Variants in COL4A5 observed in about 807,000 individuals in gnomAD.
COL4A5 encodes the protein collagen type IV alpha 5 chain.
A neutral mutation model predicts 130.2 loss-of-function variants in COL4A5; 26 were observed. The observed-to-expected ratio is 0.20, with a 90% CI of 0.15 to 0.28. COL4A5 has a LOEUF of 0.28. Ranked by LOEUF, COL4A5 falls within the 10% of genes least tolerant of loss-of-function variation. The pLI, the probability that COL4A5 is intolerant of heterozygous loss-of-function variation, is 1.00. For synonymous variants in COL4A5, 496 were observed against 439.6 expected (o/e 1.13, Z -1.60); for missense variants, 1,131 against 1,344.3 (o/e 0.84, Z 2.48).
At chrX:108,551,145 T>C (rs28852747) in intron 2 of COL4A5, among the ~76,000 whole-genome samples, 11,487 of 110,980 alleles carry the variant, frequency 0.1, 1,270 homozygotes, top group African/African-American at 0.33. Context: ...TTGACAAGTG[T>C]GACCTAATTA....
At chrX:108,452,621 CTGTT>C (rs1309413134) in intron 1 of COL4A5, among the ~76,000 whole-genome samples, 1 of 111,658 alleles carries the variant, frequency 9.0e-6, no homozygotes, top group East Asian at 2.8e-4. Flanking sequence ...ATTTGGCTCT[CTGTT>C]TGTCTGTTAT....
chrX:108,453,344 A>C (rs761152725), intron 1 of COL4A5, among the ~76,000 whole-genome samples: 1 of 112,172 alleles, frequency 8.9e-6, no homozygotes, highest in East Asian at 2.8e-4. Flanking sequence ...AATGTATTCC[A>C]ACAGAAGAAA....
intron 2 of COL4A5, among the ~76,000 whole-genome samples, chrX:108,547,902 C>G (rs964278444): frequency 5.4e-5 from 6 of 112,029 alleles, no homozygotes; most frequent in African/African-American, 1.6e-4. Flanking sequence ...TTAGGACCCT[C>G]CGAGCCAGGC....
intron 1 of COL4A5, among the ~76,000 whole-genome samples, chrX:108,457,539 G>A (rs965800978): frequency 1.8e-5 from 2 of 111,338 alleles, no homozygotes; most frequent in African/African-American, 6.5e-5. Context: ...TAGTCATTTT[G>A]ATATCTTAGT....
At chrX:108,601,806 A>C (rs946139317) in intron 26 of COL4A5, 79 bp from the exon 27 acceptor site, 1 of 610,507 alleles carries the variant, frequency 1.6e-6, no homozygotes, top group African/African-American at 2.2e-5. Flanking sequence ...CTGGGATTAC[A>C]AGAGTGAGCC....
chrX:108,524,179 T>G (rs1028401883), intron 1 of COL4A5, among the ~76,000 whole-genome samples: 13 of 111,997 alleles, frequency 1.2e-4, no homozygotes, highest in Admixed American at 2.8e-4. Flanking sequence ...CTTGTGTAAT[T>G]GCCCTACATA....
chrX:108,551,956 A>G (rs1295447629), intron 2 of COL4A5, among the ~76,000 whole-genome samples: 1 of 112,360 alleles, frequency 8.9e-6, no homozygotes, highest in Non-Finnish European at 1.9e-5. Context: ...TAACACAGGA[A>G]CAGAAAACCA....
At chrX:108,575,511 C>A (rs185318293) in intron 9 of COL4A5, among the ~76,000 whole-genome samples, 1 of 112,469 alleles carries the variant, frequency 8.9e-6, no homozygotes, top group Non-Finnish European at 1.9e-5. Flanking sequence ...ATTCCAATGA[C>A]GACTGAAGTT....
chrX:108,446,095 A>T (rs751750793), intron 1 of COL4A5, among the ~76,000 whole-genome samples: 1 of 111,601 alleles, frequency 9.0e-6, no homozygotes, highest in Non-Finnish European at 1.9e-5. Context: ...TCATTTCATG[A>T]AGATACTGAA....
intron 3 of COL4A5, among the ~76,000 whole-genome samples, chrX:108,561,768 A>G (rs944255668): frequency 4.5e-5 from 5 of 111,989 alleles, no homozygotes; most frequent in African/African-American, 1.6e-4. Flanking sequence ...AAATGCATGA[A>G]TATTTTTTAA....
chrX:108,450,924 A>G (rs2064504021), intron 1 of COL4A5, among the ~76,000 whole-genome samples: 1 of 109,209 alleles, frequency 9.2e-6, no homozygotes, highest in Non-Finnish European at 1.9e-5. Context: ...TACATGTGCC[A>G]TGCTGGTGTG....
chrX:108,619,050 G>A (rs59094374), intron 30 of COL4A5, among the ~76,000 whole-genome samples: 11,459 of 110,507 alleles, frequency 0.1, 1,291 homozygotes, highest in African/African-American at 0.34. Context: ...CTATAATCAT[G>A]TTCACTGTTA....
chrX:108,685,957 C>A, intron 47 of COL4A5, 74 bp from the exon 48 acceptor site: 1 of 888,891 alleles, frequency 1.1e-6, no homozygotes, highest in Non-Finnish European at 1.6e-6. Flanking sequence ...GTCTCGAGAA[C>A]CTTATGTCTC....
chrX:108,536,152 G>A (rs977990384), intron 1 of COL4A5, among the ~76,000 whole-genome samples: 2 of 110,821 alleles, frequency 1.8e-5, no homozygotes, highest in African/African-American at 3.3e-5. Context: ...TTTAATTGTA[G>A]CAGCATGAGA....
chrX:108,624,692 G>C (rs1371348373), intron 34 of COL4A5, among the ~76,000 whole-genome samples: 1 of 111,768 alleles, frequency 8.9e-6, no homozygotes, highest in Non-Finnish European at 1.9e-5. Flanking sequence ...ATCTTGTCCT[G>C]CTTTTTTTTC....
At chrX:108,560,331 G>A (rs915201196) in intron 3 of COL4A5, among the ~76,000 whole-genome samples, 2 of 112,320 alleles carry the variant, frequency 1.8e-5, no homozygotes, top group African/African-American at 3.2e-5. Flanking sequence ...TGCAATATGA[G>A]GTGCTGGCAA....
chrX:108,484,776 C>T (rs1045597232), intron 1 of COL4A5, among the ~76,000 whole-genome samples: 4 of 112,359 alleles, frequency 3.6e-5, no homozygotes, highest in African/African-American at 9.7e-5. Flanking sequence ...TGTGTCTCAT[C>T]CAAGGCTCAA....
intron 42 of COL4A5, among the ~76,000 whole-genome samples, chrX:108,673,326 G>A (rs905677045): frequency 3.5e-4 from 39 of 111,548 alleles, no homozygotes; most frequent in Non-Finnish European, 7.4e-4. Context: ...ATAGATCCTA[G>A]GTCTTCCAAC....
intron 1 of COL4A5, among the ~76,000 whole-genome samples, chrX:108,453,627 A>T (rs1372364724): frequency 8.9e-6 from 1 of 111,733 alleles, no homozygotes; most frequent in Non-Finnish European, 1.9e-5. Context: ...AGAGAGTAAA[A>T]AGGTCTTGAA....
Sources: allele counts gnomAD v4.1 joint callset (sites outside exome capture counted in the v4.1 genomes callset), GRCh38; gene constraint gnomAD v4.1.1; transcripts MANE v1.5; gene names NCBI Gene and HGNC (gene_info 2026-07-23, HGNC 2026-07-21).